BICRA: variants seen among roughly 807,000 people sequenced by gnomAD.
The protein encoded by BICRA is BRD4-interacting chromatin-remodeling complex-associated protein.
In BICRA, 31 loss-of-function variants were observed where a neutral mutation model predicts 96.9. The observed-to-expected ratio is 0.32, with a 90% CI of 0.24 to 0.43. The LOEUF is 0.43. Ranked by LOEUF, BICRA falls within the 20% of genes least tolerant of loss-of-function variation. BICRA has a pLI of 1.00. For missense variants in BICRA, 2,283 were observed against 2,190.3 expected, an observed-to-expected ratio of 1.04 and a Z score of -0.84; for synonymous variants, 1,350 against 1,071.8, an observed-to-expected ratio of 1.26 and a Z score of -5.07.
intron 1 of BICRA, among the ~76,000 whole-genome samples, chr19:47,646,550 C>G (rs1209096746): frequency 6.6e-6 from 1 of 152,130 alleles, no homozygotes; most frequent in African/African-American, 2.4e-5. Context: ...AACAGCTATT[C>G]CTGAGAGTAC....
chr19:47,691,529 C>T (rs1973240924), intron 7 of BICRA, among the ~76,000 whole-genome samples: 1 of 152,068 alleles, frequency 6.6e-6, no homozygotes, highest in Non-Finnish European at 1.5e-5. Context: ...AACCATTATA[C>T]CCGTTTGCCC....
At position 47,699,544 on chromosome 19, in the gene BICRA, C is replaced by T; in HGVS notation, c.3595+139C>T. 1.6e-6 allele frequency: 1 copy of T among 628,320 alleles called. No individual in the cohort carries two copies. Among genetic ancestry groups the T allele is most frequent in the Non-Finnish European group, 2.9e-6 (1 of 348,408 alleles). The allele number at this position is 628,320 out of a possible 1,614,324, so 38.9% of individuals were successfully genotyped here. A position where few individuals can be genotyped will look rare whatever the true frequency, so the allele number is the denominator to read the frequency against. ...TAGGCGGTGCCCCAGCTCCACCTTC[C>T]TGCTGGCAGCTGTGCCTCCCCTGAC... On this transcript the variant is annotated intron_variant, in intron 14 of 14. Coordinates refer to ENST00000594866, the MANE Select transcript of BICRA (RefSeq NM_001394372.1). The surrounding 1 kb of genome is among the most constrained non-coding windows in gnomAD (Gnocchi z 5.0).
intron 1 of BICRA, among the ~76,000 whole-genome samples, chr19:47,648,683 GTTTT>G (rs1303951301): frequency 5.0e-5 from 7 of 138,710 alleles, no homozygotes; most frequent in South Asian, 4.7e-4. Context: ...TTTTTTGTTT[GTTTT>G]TTTTTTTTTG....
At chr19:47,663,872 G>A (rs1972738405) in intron 1 of BICRA, 1 of 113,440 alleles carries the variant, frequency 8.8e-6, no homozygotes, top group Admixed American at 8.6e-5. Context: ...ACACGTTAAT[G>A]TCTTCCATTC....
chr19:47,688,713 C>T (rs1372541442), intron 7 of BICRA, among the ~76,000 whole-genome samples: 4 of 152,000 alleles, frequency 2.6e-5, no homozygotes, highest in Non-Finnish European at 4.4e-5. Flanking sequence ...TGCTTGAACC[C>T]GGGAGGCGGA....
chr19:47,685,786 T>TGTGTGTGCGCGCGC lies in BICRA; in HGVS notation c.2283+3635_2283+3636insTGTGTGCGCGCGCG. Among the ~76,000 whole-genome samples, 195 of 117,930 alleles carry TGTGTGTGCGCGCGC rather than the reference T, an allele frequency of 1.7e-3. 1 individual carries two copies. The highest frequency in any genetic ancestry group is 5.5e-3 in the African/African-American group (151 of 27,592). 77.4% of individuals were successfully genotyped at this position (117,930 alleles called of 152,430 possible). On this transcript the variant is annotated intron_variant, in intron 7 of 14. Transcript: ENST00000594866. Reference sequence around the variant, plus strand: ...GTGTGTGTGTGTGTGTGTGTGTGTGTGCGCGCGCGCGCGCATGCGTACATT... The same window carrying TGTGTGTGCGCGCGC: ...GTGTGTGTGTGTGTGTGTGTGTGTGTGTGTGTGCGCGCGCGCGCGCGCGCGCGCATGCGTACATT...
At chr19:47,621,016 G>T (rs527494183) in intron 1 of BICRA, among the ~76,000 whole-genome samples, 114 of 152,162 alleles carry the variant, frequency 7.5e-4, no homozygotes, top group African/African-American at 2.7e-3. Flanking sequence ...TGTGAGCCTG[G>T]AGTCCTGTAC....
intron 1 of BICRA, among the ~76,000 whole-genome samples, chr19:47,660,219 C>A (rs544417548): frequency 6.6e-6 from 1 of 152,064 alleles, no homozygotes; most frequent in Non-Finnish European, 1.5e-5. Flanking sequence ...TGGTCCAGCC[C>A]CCGGAGCTCT....
At chr19:47,631,480 A>C (rs952234205) in intron 1 of BICRA, among the ~76,000 whole-genome samples, 3 of 152,038 alleles carry the variant, frequency 2.0e-5, no homozygotes, top group African/African-American at 7.2e-5. Context: ...TGCCCTCCTC[A>C]GCCTCCCAAA....
In BICRA at chr19:47,679,601, C is replaced by T. The variant is rs776413183; in HGVS notation, c.431C>T (p.Thr144Met). 195 of 1,531,174 alleles carry T rather than the reference C, an allele frequency of 1.3e-4. No individual in the cohort carries two copies. Among genetic ancestry groups the T allele is most frequent in the Non-Finnish European group, 1.3e-4 (147 of 1,138,670 alleles). The allele number at this position is 1,531,174 out of a possible 1,614,324, so 94.8% of individuals were successfully genotyped here. A position where few individuals can be genotyped will look rare whatever the true frequency, so the allele number is the denominator to read the frequency against. Reference protein sequence around the residue: ...LQPADGGAGPTGAGGAAAVAA... With the variant: ...LQPADGGAGPMGAGGAAAVAA... Reference sequence around the variant, plus strand: ...CCTGCGGATGGCGGGGCAGGCCCGACGGGCGCTGGAGGGGCAGCGGCCGTG... The same window carrying T: ...CCTGCGGATGGCGGGGCAGGCCCGATGGGCGCTGGAGGGGCAGCGGCCGTG... The change falls in exon 6 of 15, where the codon ACG becomes ATG. Residue 144 changes from threonine (T) to methionine (M), a missense_variant. Thr to Met is a moderately conservative substitution (Grantham distance 81). Transcript: ENST00000594866.
At chr19:47,633,208 T>C (rs1972247805) in intron 1 of BICRA, among the ~76,000 whole-genome samples, 1 of 150,794 alleles carries the variant, frequency 6.6e-6, no homozygotes, top group Non-Finnish European at 1.5e-5. Context: ...AGCCTCCAAG[T>C]AGCTGGGATT....
chr19:47,650,167 T>C lies in BICRA; in HGVS notation c.-107-20276T>C, dbSNP rs140506461. 9.1e-3 allele frequency among the ~76,000 whole-genome samples: 1,381 copies of C among 152,198 alleles called. 15 individuals carry two copies. Among genetic ancestry groups the C allele is most frequent in the South Asian group, 0.03 (145 of 4,826 alleles). On this transcript the variant is annotated intron_variant, in intron 1 of 14. Transcript: ENST00000594866. ...TGTTTTTTGAGGTGGAGTCTTGCTC[T>C]GTCACCTAGGATGGAGTGCAGTGGT...
chr19:47,624,439 G>A (rs1972110469), intron 1 of BICRA, among the ~76,000 whole-genome samples: 1 of 152,154 alleles, frequency 6.6e-6, no homozygotes, highest in Non-Finnish European at 1.5e-5. Flanking sequence ...CAAAAGTTAC[G>A]TTTATACGAT....
chr19:47,664,717 T>A (rs1972750689), intron 1 of BICRA, among the ~76,000 whole-genome samples: 1 of 152,102 alleles, frequency 6.6e-6, no homozygotes, highest in Non-Finnish European at 1.5e-5. Context: ...GTCGCAGTGG[T>A]CCGTGGTGGC....
chr19:47,637,735 G>A (rs764146457), intron 1 of BICRA, among the ~76,000 whole-genome samples: 27 of 152,042 alleles, frequency 1.8e-4, no homozygotes, highest in Admixed American at 5.9e-4. Context: ...CCTTTATTTC[G>A]CTTCCTGTCT....
At chr19:47,665,027 A>AC (rs554480381) in intron 1 of BICRA, among the ~76,000 whole-genome samples, 7 of 104,662 alleles carry the variant, frequency 6.7e-5, no homozygotes, top group East Asian at 6.0e-4. Context: ...TTCAACCCCC[A>AC]CCCCCCCGCC....
chr19:47,631,240 T>G (rs1972217866), intron 1 of BICRA, among the ~76,000 whole-genome samples: 1 of 152,036 alleles, frequency 6.6e-6, no homozygotes. Flanking sequence ...TTTATTTTAT[T>G]TTTTTGAGAC....
At chr19:47,650,445 C>T (rs1157223104) in intron 1 of BICRA, among the ~76,000 whole-genome samples, 4 of 152,094 alleles carry the variant, frequency 2.6e-5, no homozygotes, top group East Asian at 1.9e-4. Context: ...TTAGTAGAGA[C>T]AGGATTTCAC....
intron 1 of BICRA, among the ~76,000 whole-genome samples, chr19:47,668,692 AC>A (rs1972819429): frequency 6.6e-6 from 1 of 151,994 alleles, no homozygotes; most frequent in Admixed American, 6.6e-5. Flanking sequence ...GGGTTTTGCC[AC>A]GTTGGCCAGG....
Sources: allele counts gnomAD v4.1 joint callset (sites outside exome capture counted in the v4.1 genomes callset), GRCh38; gene constraint gnomAD v4.1.1; non-coding constraint Gnocchi (gnomAD v3.1); transcripts MANE v1.5; gene names NCBI Gene and HGNC (gene_info 2026-07-23, HGNC 2026-07-21).